Variants in RIMS2 observed in about 807,000 individuals in gnomAD.
The protein encoded by RIMS2 is regulating synaptic membrane exocytosis 2, also known as regulating synaptic membrane exocytosis protein 2.
A neutral mutation model predicts 174.4 loss-of-function variants in RIMS2; 59 were observed. The ratio of observed to expected loss-of-function variants is 0.34; its 90% confidence interval spans 0.27 to 0.42. RIMS2 has a LOEUF of 0.42. Ranked by LOEUF, RIMS2 falls within the 10% of genes least tolerant of loss-of-function variation. The pLI, the probability that RIMS2 is intolerant of heterozygous loss-of-function variation, is 1.00. For synonymous variants in RIMS2, 606 were observed against 572.5 expected, an observed-to-expected ratio of 1.06 and a Z score of -0.84; for missense variants, 1,620 against 1,666.3, an observed-to-expected ratio of 0.97 and a Z score of 0.48.
intron 1 of RIMS2, among the ~76,000 whole-genome samples, chr8:103,656,654 C>T (rs528135462): frequency 1.8e-4 from 27 of 152,114 alleles, no homozygotes; most frequent in Non-Finnish European, 3.4e-4. Context: ...AAGAAAAATG[C>T]TGAACTGAAA....
intron 19 of RIMS2, among the ~76,000 whole-genome samples, chr8:104,193,869 T>G (rs995615327): frequency 6.6e-6 from 1 of 152,226 alleles, no homozygotes; most frequent in African/African-American, 2.4e-5. Flanking sequence ...CAAATATTTC[T>G]GATATTAATA....
intron 2 of RIMS2, among the ~76,000 whole-genome samples, chr8:103,708,225 G>T (rs1485798822): frequency 6.6e-6 from 1 of 152,210 alleles, no homozygotes; most frequent in Non-Finnish European, 1.5e-5. Context: ...TTGTTAGCCT[G>T]TGGTGAAGTG....
At chr8:104,250,814 C>G (rs1281972774) in intron 22 of RIMS2, among the ~76,000 whole-genome samples, 1 of 152,120 alleles carries the variant, frequency 6.6e-6, no homozygotes, top group Non-Finnish European at 1.5e-5. Context: ...TGATAATAAA[C>G]TCAGAGGTTA....
chr8:103,617,480 G>A (rs1159267108), intron 1 of RIMS2, among the ~76,000 whole-genome samples: 1 of 152,070 alleles, frequency 6.6e-6, no homozygotes, highest in Non-Finnish European at 1.5e-5. Context: ...GATACCAAAA[G>A]CAATCTCAAC....
chr8:103,950,846 A>G (rs1161875747), intron 14 of RIMS2, among the ~76,000 whole-genome samples: 2 of 152,232 alleles, frequency 1.3e-5, no homozygotes, highest in Admixed American at 6.5e-5. Context: ...TTATTTGCAT[A>G]CATGTTCATT....
chr8:103,976,126 G>T (rs1186251893), intron 16 of RIMS2: 1 of 152,136 alleles, frequency 6.6e-6, no homozygotes, highest in Non-Finnish European at 1.5e-5. Context: ...CATCAAAATG[G>T]CATTACAGAC....
intron 19 of RIMS2, among the ~76,000 whole-genome samples, chr8:104,236,272 A>G (rs2099258150): frequency 6.6e-6 from 1 of 152,020 alleles, no homozygotes; most frequent in South Asian, 2.1e-4. Flanking sequence ...GTTTCTCTCT[A>G]TGGAAAACAT....
intron 19 of RIMS2, among the ~76,000 whole-genome samples, chr8:104,211,699 A>G (rs1338862769): frequency 6.6e-6 from 1 of 151,906 alleles, no homozygotes; most frequent in African/African-American, 2.4e-5. Context: ...TTTTTGTTAG[A>G]GATGGGATTT....
intron 3 of RIMS2, among the ~76,000 whole-genome samples, chr8:103,843,672 A>G (rs571168605): frequency 6.6e-6 from 1 of 152,278 alleles, no homozygotes; most frequent in South Asian, 2.1e-4. Context: ...CATATTTCCC[A>G]TCTATAATAC....
intron 2 of RIMS2, among the ~76,000 whole-genome samples, chr8:103,703,163 T>G (rs1417281305): frequency 1.3e-5 from 2 of 151,990 alleles, no homozygotes; most frequent in Admixed American, 6.6e-5. Flanking sequence ...TGATTTTTTT[T>G]GTAGAGATGA....
chr8:104,097,835 T>G (rs1043631369), intron 19 of RIMS2, among the ~76,000 whole-genome samples: 8 of 152,224 alleles, frequency 5.3e-5, no homozygotes, highest in African/African-American at 1.9e-4. Context: ...TAATTGCGGC[T>G]TTTGCCATTA....
At chr8:103,750,365 GTTTTC>G (rs1428247995) in intron 2 of RIMS2, among the ~76,000 whole-genome samples, 1 of 152,060 alleles carries the variant, frequency 6.6e-6, no homozygotes, top group African/African-American at 2.4e-5. Flanking sequence ...TCAGTTGACA[GTTTTC>G]TTTTCCATTA....
chr8:104,156,331 AC>A (rs2098723771), intron 19 of RIMS2, among the ~76,000 whole-genome samples: 1 of 152,190 alleles, frequency 6.6e-6, no homozygotes, highest in South Asian at 2.1e-4. Context: ...GGAAATGGTA[AC>A]ATCACTTCTG....
At chr8:103,911,524 T>C (rs576359328) in intron 5 of RIMS2, among the ~76,000 whole-genome samples, 3 of 152,310 alleles carry the variant, frequency 2.0e-5, no homozygotes, top group African/African-American at 7.2e-5. Flanking sequence ...TTTATTATTT[T>C]AATCTAGAAA....
At chr8:103,538,236 G>A (rs1411770579) in intron 1 of RIMS2, among the ~76,000 whole-genome samples, 3 of 151,904 alleles carry the variant, frequency 2.0e-5, no homozygotes, top group African/African-American at 7.3e-5. Context: ...TTTTCTTTCT[G>A]TTTCTTCTGT....
chr8:103,571,998 G>A (rs779617595), intron 1 of RIMS2, among the ~76,000 whole-genome samples: 18 of 152,160 alleles, frequency 1.2e-4, no homozygotes, highest in Non-Finnish European at 2.5e-4. Flanking sequence ...TCCTTCCGGT[G>A]GGTTCTTGGT....
intron 1 of RIMS2, among the ~76,000 whole-genome samples, chr8:103,632,114 A>C (rs1424092147): frequency 6.6e-6 from 1 of 152,012 alleles, no homozygotes; most frequent in Non-Finnish European, 1.5e-5. Flanking sequence ...TATGCATTTT[A>C]TTTCTTTCTC....
At chr8:103,568,725 G>C in intron 1 of RIMS2, 1 of 864,074 alleles carries the variant, frequency 1.2e-6, no homozygotes, top group Non-Finnish European at 1.9e-6. Flanking sequence ...TAAGGGAGTA[G>C]CCTATAAAGC....
intron 19 of RIMS2, among the ~76,000 whole-genome samples, chr8:104,045,557 C>A (rs1292299488): frequency 6.6e-6 from 1 of 151,782 alleles, no homozygotes; most frequent in African/African-American, 2.4e-5. Context: ...TACTTCCAGA[C>A]CTGATTTAGA....
Sources: gnomAD v4.1 joint callset for allele counts (sites outside exome capture counted in the v4.1 genomes callset) on GRCh38, gnomAD v4.1.1 for gene constraint, MANE v1.5 for transcripts, NCBI Gene and HGNC (gene_info 2026-07-23, HGNC 2026-07-21) for gene names.